COL24A1: variants seen among roughly 807,000 people sequenced by gnomAD.
The protein encoded by COL24A1 is collagen alpha-1(XXIV) chain.
In COL24A1, 224 loss-of-function variants were observed where a neutral mutation model predicts 253.9. That is an observed-to-expected ratio of 0.88 (90% CI 0.79 to 0.99). The LOEUF (loss-of-function observed/expected upper bound fraction) is 0.99. COL24A1 is among the 50% of genes least tolerant of loss of function. The pLI, the probability that COL24A1 is intolerant of heterozygous loss-of-function variation, is 0.00. For missense variants in COL24A1, 2,131 were observed against 2,068.5 expected (o/e 1.03, Z -0.59); for synonymous variants, 685 against 673.7 (o/e 1.02, Z -0.26).
At chr1:85,798,136 G>T (rs573292470) in intron 47 of COL24A1, among the ~76,000 whole-genome samples, 6 of 150,784 alleles carry the variant, frequency 4.0e-5, no homozygotes, top group Non-Finnish European at 7.4e-5. Flanking sequence ...GTTCAAGGCT[G>T]CAGTGAGCTA....
intron 43 of COL24A1, among the ~76,000 whole-genome samples, chr1:85,836,834 A>G (rs1395053342): frequency 6.6e-6 from 1 of 152,228 alleles, no homozygotes; most frequent in Non-Finnish European, 1.5e-5. Flanking sequence ...GAAGTAGATT[A>G]GACAGTGAAC....
At chr1:86,033,173 T>A (rs1378295710) in intron 13 of COL24A1, among the ~76,000 whole-genome samples, 3 of 152,126 alleles carry the variant, frequency 2.0e-5, no homozygotes, top group Non-Finnish European at 4.4e-5. Flanking sequence ...AATAAACTAT[T>A]TTAAACTCTT....
At position 86,101,148 on chromosome 1, in the gene COL24A1, G is replaced by T. The variant is rs977774123; in HGVS notation, c.1600-8828C>A. Among the ~76,000 whole-genome samples the T allele has an allele frequency of 1.2e-4, 19 of 152,098 alleles. 1 individual carries two copies. Among genetic ancestry groups the T allele is most frequent in the Admixed American group, 1.2e-3 (18 of 15,270 alleles). ...ATGATGCTAACTCTGGTAAGCTGTT[G>T]TCAGAACTGAATTGAATTGTTGCAT... is the stretch of plus-strand genomic sequence containing the variant. On this transcript the variant is annotated intron_variant, in intron 5 of 59. Transcript: ENST00000370571.
chr1:85,828,171 C>T (rs1394566035), intron 43 of COL24A1, among the ~76,000 whole-genome samples: 8 of 152,070 alleles, frequency 5.3e-5, no homozygotes, highest in South Asian at 2.1e-4. Context: ...GCCTTCATTT[C>T]GTTATGTACC....
chr1:86,004,792 A>C (rs933709902), intron 19 of COL24A1, among the ~76,000 whole-genome samples: 3 of 152,188 alleles, frequency 2.0e-5, no homozygotes, highest in African/African-American at 4.8e-5. Context: ...ATAAACTAAA[A>C]ATTATGACTG....
At chr1:85,781,197 G>A in intron 52 of COL24A1, 23 bp downstream of exon 52, 1 of 1,523,258 alleles carries the variant, frequency 6.6e-7, no homozygotes, top group African/African-American at 1.4e-5. Flanking sequence ...GAGTACAAAA[G>A]ACTTGTATTA....
intron 47 of COL24A1, among the ~76,000 whole-genome samples, chr1:85,791,886 T>C (rs1218115312): frequency 6.6e-6 from 1 of 152,060 alleles, no homozygotes; most frequent in African/African-American, 2.4e-5. Context: ...TTCTTATGTA[T>C]AGCACCCTCC....
At chr1:85,732,685 A>G (rs1557915724) in intron 59 of COL24A1, among the ~76,000 whole-genome samples, 1 of 152,198 alleles carries the variant, frequency 6.6e-6, no homozygotes, top group Non-Finnish European at 1.5e-5. Flanking sequence ...TAATTATGCT[A>G]ATTGGCTGCC....
At chr1:85,946,685 T>G (rs1689353477) in intron 24 of COL24A1, among the ~76,000 whole-genome samples, 1 of 152,194 alleles carries the variant, frequency 6.6e-6, no homozygotes. Flanking sequence ...GAAGTAGAAT[T>G]AGAAATCCAG....
intron 32 of COL24A1, among the ~76,000 whole-genome samples, chr1:85,882,174 C>A (rs1193786643): frequency 1.3e-5 from 2 of 152,080 alleles, no homozygotes; most frequent in Non-Finnish European, 2.9e-5. Context: ...TGTATGATGT[C>A]TAGTCTTTTA....
rs368203480 is a variant in COL24A1 at position 85,885,307 on chromosome 1, T to G, written c.2976+4253A>C. ...CCTCCGCCTCCCAGGTTCAAGTAATTCTCCTACCTCAGGTTCCTGAGCAGC... is the reference window on the plus strand; with the variant it reads ...CCTCCGCCTCCCAGGTTCAAGTAATGCTCCTACCTCAGGTTCCTGAGCAGC... On this transcript the variant is annotated intron_variant, in intron 32 of 59. Coordinates refer to ENST00000370571, the MANE Select transcript of COL24A1 (RefSeq NM_152890.7). 2.2e-3 allele frequency among the ~76,000 whole-genome samples: 330 copies of G among 151,530 alleles called. 10 individuals are homozygous for G. The South Asian group carries it at 0.053, about 24-fold the overall frequency.
chr1:85,734,812 C>G lies in COL24A1; in HGVS notation c.4935G>C (p.Trp1645Cys). The G allele has an allele frequency of 6.2e-7, 1 of 1,614,182 alleles. No homozygotes were observed. The highest frequency in any genetic ancestry group is 8.5e-7 in the Non-Finnish European group (1 of 1,180,030). The change falls in exon 59 of 60, where the codon TGG (tryptophan) becomes TGC (cysteine). Residue 1645 changes from tryptophan to cysteine, a missense_variant. Physicochemically the swap from Trp to Cys is radical, Grantham distance 215. Transcript: ENST00000370571. ...TGTTTACTTTAAAAATCTGGCCATT[C>G]CATCCCTTGAAACCAATAGGCAATC... ...GPGLPIGFKG[W>C]NGQIFKVNTL...
intron 45 of COL24A1, among the ~76,000 whole-genome samples, chr1:85,818,820 C>T (rs1370042849): frequency 2.6e-5 from 4 of 152,168 alleles, no homozygotes; most frequent in Admixed American, 2.6e-4. Flanking sequence ...CATTACCAGA[C>T]ACATTTCTCA....
At chr1:85,848,552 C>T (rs553498071) in intron 38 of COL24A1, among the ~76,000 whole-genome samples, 7 of 152,222 alleles carry the variant, frequency 4.6e-5, no homozygotes, top group East Asian at 1.9e-4. Flanking sequence ...TCAAGCGATC[C>T]GCCCACCTCG....
chr1:85,874,743 G>A (rs1468177318), intron 34 of COL24A1, 41 bp from the exon 35 acceptor site: 1 of 1,600,194 alleles, frequency 6.2e-7, no homozygotes, highest in Middle Eastern at 2.2e-4. Context: ...TTTCTACTAA[G>A]ACTGCATGGC....
chr1:85,963,595 T>C (rs1362667862), intron 23 of COL24A1, among the ~76,000 whole-genome samples: 1 of 152,144 alleles, frequency 6.6e-6, no homozygotes, highest in Non-Finnish European at 1.5e-5. Flanking sequence ...TCTAGGGTTC[T>C]ATGAAGAGTG....
At position 86,125,764 on chromosome 1, in the gene COL24A1, A is replaced by C. The variant is rs1359966266; in HGVS notation, c.572T>G (p.Ile191Ser). The C allele has an allele frequency of 1.2e-6, 2 of 1,612,298 alleles. No individual in the cohort carries two copies. The highest frequency in any genetic ancestry group is 1.7e-6 in the Non-Finnish European group (2 of 1,179,362). Residue 191 changes from isoleucine to serine, a missense_variant, in exon 3 of 60, where the codon ATT (isoleucine) becomes AGT (serine). Physicochemically the swap from Ile to Ser is moderately radical, Grantham distance 142. Coordinates refer to ENST00000370571, the MANE Select transcript of COL24A1 (RefSeq NM_152890.7). ...AGAATCAAAGGTCTGAACTTCTGGA[A>C]TAGTCTCTGTGCTAAAATATTTCTT... is the stretch of plus-strand genomic sequence containing the variant. The part of the protein sequence containing the change: ...CGKKYFSTET[I>S]PEVQTFDSNS...
intron 3 of COL24A1, 138 bp from the exon 4 acceptor site, chr1:86,115,516 G>A (rs185589674): frequency 1.7e-5 from 13 of 750,062 alleles, no homozygotes; most frequent in Non-Finnish European, 2.7e-5. Flanking sequence ...TAAGTAACAC[G>A]AACCCCCTTA....
chr1:86,096,246 T>C (rs1703884949), intron 5 of COL24A1, among the ~76,000 whole-genome samples: 1 of 152,162 alleles, frequency 6.6e-6, no homozygotes, highest in Admixed American at 6.5e-5. Flanking sequence ...TTTGAGTGAA[T>C]TATTAATGAA....
Sources: allele counts gnomAD v4.1 joint callset (sites outside exome capture counted in the v4.1 genomes callset), GRCh38; gene constraint gnomAD v4.1.1; transcripts MANE v1.5; gene names NCBI Gene and HGNC (gene_info 2026-07-23, HGNC 2026-07-21).